The following DLG2 variants were observed in gnomAD, a reference collection of about 807,000 sequenced individuals.
DLG2 encodes the protein discs large MAGUK scaffold protein 2.
In DLG2, 45 loss-of-function variants were observed where a neutral mutation model predicts 132.5. The observed-to-expected ratio is 0.34, with a 90% CI of 0.27 to 0.44. The LOEUF (loss-of-function observed/expected upper bound fraction) is 0.44. Among genes scored for constraint, DLG2 ranks in the 20% least tolerant of loss-of-function variants. DLG2 has a pLI of 1.00. For synonymous variants in DLG2, 424 were observed against 419.6 expected (o/e 1.01, Z -0.13); for missense variants, 1,045 against 1,196.9 (o/e 0.87, Z 1.87).
At chr11:84,578,844 G>A (rs968530075) in intron 6 of DLG2, among the ~76,000 whole-genome samples, 3 of 152,060 alleles carry the variant, frequency 2.0e-5, no homozygotes, top group Non-Finnish European at 4.4e-5. Flanking sequence ...TGACCCTACC[G>A]AAATCTCAAC....
Position 83,931,193 on chromosome 11 carries a change from T to C in DLG2, c.1341-710A>G, listed in dbSNP as rs1260044135. ...GTCCATCTAATATCTTCTGTATACA[T>C]AGGAAATGTAAAGAATGTTATTTTC... On this transcript the variant is annotated intron_variant, in intron 14 of 27. Transcript: ENST00000376104. 2.0e-5 allele frequency among the ~76,000 whole-genome samples: 3 copies of C among 152,202 alleles called. No homozygotes were observed. In the East Asian group the frequency reaches 5.8e-4, roughly 29 times the overall value.
intron 6 of DLG2, among the ~76,000 whole-genome samples, chr11:84,800,989 A>T (rs1383828181): frequency 1.3e-5 from 2 of 152,196 alleles, no homozygotes; most frequent in Non-Finnish European, 2.9e-5. Context: ...AATTCTGAGC[A>T]TCTCAGCTGA....
chr11:83,888,883 T>C (rs1354778449), intron 15 of DLG2, among the ~76,000 whole-genome samples: 1 of 152,216 alleles, frequency 6.6e-6, no homozygotes. Flanking sequence ...TACATGGTGC[T>C]GGGAAAACTG....
At chr11:84,618,324 A>T (rs1445767856) in intron 6 of DLG2, among the ~76,000 whole-genome samples, 1 of 152,070 alleles carries the variant, frequency 6.6e-6, no homozygotes, top group East Asian at 1.9e-4. Flanking sequence ...TATATTAAAA[A>T]GTTCCCACTT....
chr11:84,640,518 G>T, intron 6 of DLG2: 1 of 374,630 alleles, frequency 2.7e-6, no homozygotes, highest in Non-Finnish European at 5.0e-6. Context: ...ACTTTTGGAT[G>T]GTATCTATGT....
intron 21 of DLG2, among the ~76,000 whole-genome samples, chr11:83,490,494 G>A (rs1040430400): frequency 6.6e-6 from 1 of 151,974 alleles, no homozygotes; most frequent in African/African-American, 2.4e-5. Context: ...TAATAGTCAA[G>A]TTAGGGAAGA....
chr11:84,595,647 G>A (rs1332298741), intron 6 of DLG2, among the ~76,000 whole-genome samples: 1 of 152,130 alleles, frequency 6.6e-6, no homozygotes, highest in Non-Finnish European at 1.5e-5. Flanking sequence ...AGGTAGTGAA[G>A]CTTTCATAGG....
At chr11:84,781,012 A>G (rs1359939102) in intron 6 of DLG2, among the ~76,000 whole-genome samples, 7 of 151,286 alleles carry the variant, frequency 4.6e-5, no homozygotes, top group Non-Finnish European at 8.9e-5. Context: ...AAAAAAAAAA[A>G]AAGCGACAAG....
intron 15 of DLG2, among the ~76,000 whole-genome samples, chr11:83,899,822 C>A (rs1484974269): frequency 6.6e-6 from 1 of 152,072 alleles, no homozygotes; most frequent in Non-Finnish European, 1.5e-5. Flanking sequence ...TGAAAAGATA[C>A]CCAAAAATGT....
chr11:83,564,542 C>T (rs2096668511), intron 19 of DLG2, among the ~76,000 whole-genome samples: 1 of 152,154 alleles, frequency 6.6e-6, no homozygotes, highest in Non-Finnish European at 1.5e-5. Flanking sequence ...GCTGCTTTGG[C>T]AGGTAACATA....
At chr11:84,447,835 T>G (rs1437228713) in intron 7 of DLG2, among the ~76,000 whole-genome samples, 1 of 152,082 alleles carries the variant, frequency 6.6e-6, no homozygotes, top group Non-Finnish European at 1.5e-5. Context: ...TTAAATTTTC[T>G]TACAGCAGAA....
rs1197269264 is a variant in DLG2 at position 83,562,412 on chromosome 11, T to TG, written c.1941-20555dup. 1.1e-4 allele frequency among the ~76,000 whole-genome samples: 17 copies of TG among 152,048 alleles called. 1 individual carries two copies. The South Asian group carries it at 2.5e-3, about 22-fold the overall frequency. ...ATAACTGACCCTGTGATGCCCTGGG[T>TG]GGGGGGGTACCATTTACCCCTGACC... On this transcript the variant is annotated intron_variant, in intron 19 of 27. Coordinates refer to ENST00000376104, the MANE Select transcript of DLG2 (RefSeq NM_001142699.3).
At chr11:85,609,378 C>A (rs1370499839) in intron 2 of DLG2, among the ~76,000 whole-genome samples, 1 of 152,024 alleles carries the variant, frequency 6.6e-6, no homozygotes, top group Admixed American at 6.6e-5. Context: ...ATAATAGGGA[C>A]CAAGAGGAAC....
chr11:83,780,945 C>A (rs542012451), intron 18 of DLG2, among the ~76,000 whole-genome samples: 45 of 152,158 alleles, frequency 3.0e-4, no homozygotes, highest in African/African-American at 1.1e-3. Context: ...GTTAGGGCAA[C>A]GCCTCACAAA....
At chr11:85,517,311 C>A (rs1189410320) in intron 3 of DLG2, among the ~76,000 whole-genome samples, 3 of 151,942 alleles carry the variant, frequency 2.0e-5, no homozygotes, top group Non-Finnish European at 4.4e-5. Flanking sequence ...ATATGATGAA[C>A]CTATAGCCAA....
At chr11:84,240,015 T>C (rs754875604) in intron 8 of DLG2, among the ~76,000 whole-genome samples, 7 of 152,228 alleles carry the variant, frequency 4.6e-5, no homozygotes, top group African/African-American at 9.6e-5. Context: ...AAAGGTTATA[T>C]GGCTCAGTCT....
chr11:84,993,213 G>A (rs747083384), intron 6 of DLG2, among the ~76,000 whole-genome samples: 8 of 152,150 alleles, frequency 5.3e-5, no homozygotes, highest in Non-Finnish European at 8.8e-5. Context: ...GCTGAACAAT[G>A]AGAACACATG....
intron 7 of DLG2, among the ~76,000 whole-genome samples, chr11:84,282,073 C>T (rs2154370887): frequency 6.6e-6 from 1 of 152,220 alleles, no homozygotes; most frequent in African/African-American, 2.4e-5. Context: ...TACAAATATT[C>T]ATAGTAGCTT....
chr11:84,110,385 A>T (rs562938933), intron 9 of DLG2, among the ~76,000 whole-genome samples: 2 of 152,322 alleles, frequency 1.3e-5, no homozygotes, highest in South Asian at 4.1e-4. Flanking sequence ...TTCCTTAAGT[A>T]AAATATCAAT....
Sources: allele counts gnomAD v4.1 joint callset (sites outside exome capture counted in the v4.1 genomes callset), GRCh38; gene constraint gnomAD v4.1.1; transcripts MANE v1.5; gene names NCBI Gene and HGNC (gene_info 2026-07-23, HGNC 2026-07-21).